The following IGF1R variants were observed in gnomAD, a reference collection of about 807,000 sequenced individuals.
IGF1R encodes the protein insulin like growth factor 1 receptor.
In IGF1R, 44 loss-of-function variants were observed where a neutral mutation model predicts 144.6. The observed-to-expected ratio is 0.30, with a 90% confidence interval of 0.24 to 0.39. IGF1R has a LOEUF of 0.39. Among genes scored for constraint, IGF1R ranks in the 10% least tolerant of loss-of-function variants. The pLI, the probability that IGF1R is intolerant of heterozygous loss-of-function variation, is 1.00. For synonymous variants in IGF1R, 795 were observed against 722.8 expected, an observed-to-expected ratio of 1.10 and a Z score of -1.60; for missense variants, 1,355 against 1,833.7, an observed-to-expected ratio of 0.74 and a Z score of 4.77.
At position 98,704,021 on chromosome 15, in the gene IGF1R, G is replaced by A. The variant is rs113538078; in HGVS notation, c.95-3541G>A. On this transcript the variant is annotated intron_variant, in intron 1 of 20. Transcript: ENST00000650285. The surrounding 1 kb of genome is among the most constrained non-coding windows in gnomAD (Gnocchi z 4.9). ...GACCTCATGTGACGGGTCACTTTTC[G>A]AAACTCAGGCACACGACACACAGTT... Among the ~76,000 whole-genome samples, 1,627 of 151,432 alleles carry A rather than the reference G, an allele frequency of 0.011. 27 individuals carry two copies. Among genetic ancestry groups the A allele is most frequent in the African/African-American group, 0.037 (1,509 of 41,184 alleles).
At position 98,957,204 on chromosome 15, in the gene IGF1R, A is replaced by G. The variant is rs747754427; in HGVS notation, c.3866A>G (p.Glu1289Gly). 1.2e-6 allele frequency: 2 copies of G among 1,614,206 alleles called. No homozygotes were observed. The highest frequency in any genetic ancestry group is 2.2e-5 in the South Asian group (2 of 91,086). ...FYYSEENKLP[E>G]PEELDLEPEN... is the part of the protein sequence containing the mutation. ...TACAGCGAGGAGAACAAGCTGCCCG[A>G]GCCGGAGGAGCTGGACCTGGAGCCA... is the stretch of plus-strand genomic sequence containing the variant. Residue 1289 changes from glutamate to glycine, a missense_variant, in exon 21 of 21, where the codon GAG becomes GGG. Coordinates refer to ENST00000650285, the MANE Select transcript of IGF1R (RefSeq NM_000875.5).
At chr15:98,736,704 C>T (rs1482361230) in intron 2 of IGF1R, among the ~76,000 whole-genome samples, 3 of 151,272 alleles carry the variant, frequency 2.0e-5, no homozygotes, top group Admixed American at 6.6e-5. Flanking sequence ...CTCTGCCTCC[C>T]GGGTTCAAGC....
intron 15 of IGF1R, among the ~76,000 whole-genome samples, chr15:98,932,255 A>G (rs7166558): frequency 0.33 from 50,847 of 152,062 alleles, 9,478 homozygotes; most frequent in Non-Finnish European, 0.42. Flanking sequence ...ATTTGAACTT[A>G]ATTTATTCGG....
chr15:98,896,406 C>G (rs542841918), intron 3 of IGF1R, among the ~76,000 whole-genome samples: 10 of 152,176 alleles, frequency 6.6e-5, no homozygotes, highest in Non-Finnish European at 1.3e-4. Flanking sequence ...TCCTCCAGAA[C>G]CCCCCAAGCT....
chr15:98,710,317 C>G (rs1158030460), intron 2 of IGF1R, among the ~76,000 whole-genome samples: 1 of 152,120 alleles, frequency 6.6e-6, no homozygotes, highest in South Asian at 2.1e-4. Flanking sequence ...ACTTCCCTTC[C>G]CCTTGTCCTG....
chr15:98,883,047 C>A (rs2013458346), intron 2 of IGF1R, among the ~76,000 whole-genome samples: 1 of 152,230 alleles, frequency 6.6e-6, no homozygotes, highest in Admixed American at 6.5e-5. Flanking sequence ...ATCTTCCATT[C>A]TGACCATAAA....
intron 1 of IGF1R, among the ~76,000 whole-genome samples, chr15:98,650,713 G>A (rs2052339911): frequency 1.3e-5 from 2 of 152,232 alleles, no homozygotes; most frequent in Non-Finnish European, 2.9e-5. Flanking sequence ...CGCGGGGAGG[G>A]TGTTGTGTTT....
chr15:98,651,682 C>T (rs1049117244), intron 1 of IGF1R, among the ~76,000 whole-genome samples: 2 of 152,092 alleles, frequency 1.3e-5, no homozygotes, highest in South Asian at 2.1e-4. Context: ...TGCAAGACGG[C>T]GATTTTTGAG....
chr15:98,854,245 A>G (rs900410656), intron 2 of IGF1R, among the ~76,000 whole-genome samples: 7 of 152,116 alleles, frequency 4.6e-5, no homozygotes, highest in Non-Finnish European at 1.0e-4. Context: ...AGGCAGAAAG[A>G]CACTGTAATA....
intron 2 of IGF1R, among the ~76,000 whole-genome samples, chr15:98,882,650 T>C (rs1200532675): frequency 5.9e-5 from 9 of 152,234 alleles, no homozygotes; most frequent in African/African-American, 2.2e-4. Flanking sequence ...GGGATGGGAA[T>C]GTAGAAGAAG....
In IGF1R at chr15:98,939,187, T is replaced by A. The variant is rs2151713830; in HGVS notation, c.3298-14T>A. 6.2e-7 allele frequency: 1 copy of A among 1,612,826 alleles called. No homozygotes were observed. Among genetic ancestry groups the A allele is most frequent in the Non-Finnish European group, 8.5e-7 (1 of 1,178,830 alleles). On this transcript the variant is annotated splice_polypyrimidine_tract_variant and intron_variant, in intron 17 of 20. Coordinates refer to ENST00000650285, the MANE Select transcript of IGF1R (RefSeq NM_000875.5). ...TCCAAAATTCTCATGTGAATTTTTT[T>A]AAATCTCCAACAGAATAATCCAGTC...
intron 2 of IGF1R, among the ~76,000 whole-genome samples, chr15:98,723,066 C>T (rs1460139410): frequency 2.1e-5 from 3 of 146,092 alleles, no homozygotes; most frequent in African/African-American, 7.6e-5. Context: ...TGCTGTAACC[C>T]GTGGCCACCG....
intron 1 of IGF1R, among the ~76,000 whole-genome samples, chr15:98,686,761 C>T (rs2053339851): frequency 6.6e-6 from 1 of 151,886 alleles, no homozygotes; most frequent in Non-Finnish European, 1.5e-5. Flanking sequence ...GCCTCAACCT[C>T]CTAGGCTCAT....
chr15:98,878,661 CTCAAAAAAAA>C (rs1567174246), intron 2 of IGF1R, among the ~76,000 whole-genome samples: 1 of 25,802 alleles, frequency 3.9e-5, no homozygotes, highest in Non-Finnish European at 7.4e-5. Context: ...TTGTGAAAGA[CTCAAAAAAAA>C]AAAAAAAAAA....
At chr15:98,925,342 A>G (rs551994907) in intron 13 of IGF1R, among the ~76,000 whole-genome samples, 2 of 152,350 alleles carry the variant, frequency 1.3e-5, no homozygotes, top group African/African-American at 4.8e-5. Flanking sequence ...ACAAATTATA[A>G]GATGTATAAG....
At chr15:98,652,573 A>G (rs969873661) in intron 1 of IGF1R, among the ~76,000 whole-genome samples, 4 of 152,256 alleles carry the variant, frequency 2.6e-5, no homozygotes, top group African/African-American at 9.6e-5. Context: ...GTCGAAAAAG[A>G]TTAGAAAAGT....
intron 2 of IGF1R, among the ~76,000 whole-genome samples, chr15:98,886,654 C>G (rs2013657538): frequency 6.6e-6 from 1 of 152,126 alleles, no homozygotes; most frequent in African/African-American, 2.4e-5. Flanking sequence ...TTTGGTAGTA[C>G]TAGGTGAAAT....
Position 98,957,777 on chromosome 15 carries a change from CCT to C in IGF1R, c.*340_*341del, listed in dbSNP as rs909035373. 5.1e-6 allele frequency: 2 copies of C among 389,994 alleles called. No individual in the cohort carries two copies. The highest frequency in any genetic ancestry group is 4.7e-6 in the Non-Finnish European group (1 of 214,970). 24.2% of individuals were successfully genotyped at this position (389,994 alleles called of 1,614,324 possible). A position where few individuals can be genotyped will look rare whatever the true frequency, so the allele number is the denominator to read the frequency against. On this transcript the variant is annotated 3_prime_UTR_variant, in exon 21 of 21. Coordinates refer to ENST00000650285, the MANE Select transcript of IGF1R (RefSeq NM_000875.5). ...CCTTCCCTGTTCTCCCTTTCTCTCT[CCT>C]CTCTGCTTCATAACGGAAAAATAAT... is the stretch of plus-strand genomic sequence containing the variant.
In IGF1R at chr15:98,690,392, A is replaced by C. The variant is rs1286921940; in HGVS notation, c.95-17170A>C. Among the ~76,000 whole-genome samples the C allele has an allele frequency of 3.3e-5, 5 of 152,172 alleles. No individual in the cohort carries two copies. In the South Asian group the frequency reaches 1.0e-3, roughly 32 times the overall value. On this transcript the variant is annotated intron_variant, in intron 1 of 20. Coordinates refer to ENST00000650285, the MANE Select transcript of IGF1R (RefSeq NM_000875.5). ...TGGTAGGCAATTAAAACAGGAGGTA[A>C]GGAGTAAACATGCCAGGCCCCTCCT...
Sources: gnomAD v4.1 joint callset for allele counts (sites outside exome capture counted in the v4.1 genomes callset) on GRCh38, gnomAD v4.1.1 for gene constraint, Gnocchi (gnomAD v3.1) non-coding constraint, MANE v1.5 for transcripts, NCBI Gene and HGNC (gene_info 2026-07-23, HGNC 2026-07-21) for gene names.